Variants in CWC27 observed in about 807,000 individuals in gnomAD.
The protein encoded by CWC27 is CWC27 spliceosome associated cyclophilin.
Under a neutral mutation model 63.6 loss-of-function variants are expected in CWC27, and 47 were observed. The observed-to-expected ratio is 0.74, with a 90% CI of 0.58 to 0.94. The LOEUF (loss-of-function observed/expected upper bound fraction) is 0.94. CWC27 is among the 40% of genes least tolerant of loss of function. The pLI, the probability that CWC27 is intolerant of heterozygous loss-of-function variation, is 0.00. For synonymous variants in CWC27, 175 were observed against 179.8 expected (o/e 0.97, Z 0.22); for missense variants, 495 against 554.3 (o/e 0.89, Z 1.07).
rs191971370 is a variant in CWC27 at position 64,970,824 on chromosome 5, A to T, written c.1043-879A>T. ...CTGATTGTTAATAGATTGCATATTC[A>T]TGATGTTCCTCAAGCTAGATAACAA... is the stretch of plus-strand genomic sequence containing the variant. On this transcript the variant is annotated intron_variant, in intron 11 of 13. Coordinates refer to ENST00000381070, the MANE Select transcript of CWC27 (RefSeq NM_005869.4). 3.8e-3 allele frequency among the ~76,000 whole-genome samples: 585 copies of T among 152,256 alleles called. 1 individual carries two copies. Among genetic ancestry groups the T allele is most frequent in the Non-Finnish European group, 6.2e-3 (420 of 68,012 alleles).
At chr5:64,830,989 G>A (rs1245963626) in intron 10 of CWC27, among the ~76,000 whole-genome samples, 1 of 151,984 alleles carries the variant, frequency 6.6e-6, no homozygotes, top group Non-Finnish European at 1.5e-5. Context: ...TGTCTCAGCT[G>A]GTTCTTCAAG....
At chr5:64,943,856 A>G (rs1448069695) in intron 11 of CWC27, among the ~76,000 whole-genome samples, 2 of 152,138 alleles carry the variant, frequency 1.3e-5, no homozygotes, top group African/African-American at 4.8e-5. Context: ...CAGAACCCTC[A>G]AACATGTGAT....
At chr5:64,913,598 G>T (rs1370109745) in intron 11 of CWC27, among the ~76,000 whole-genome samples, 2 of 151,852 alleles carry the variant, frequency 1.3e-5, no homozygotes, top group African/African-American at 4.8e-5. Flanking sequence ...AATTTTGAAA[G>T]AAATTCTATC....
intron 10 of CWC27, among the ~76,000 whole-genome samples, chr5:64,837,470 G>A (rs372239805): frequency 1.3e-5 from 2 of 150,610 alleles, no homozygotes; most frequent in African/African-American, 4.9e-5. Flanking sequence ...GTCAAATTTG[G>A]TTCCAAAACT....
intron 11 of CWC27, among the ~76,000 whole-genome samples, chr5:64,927,938 T>TG (rs1484468570): frequency 6.6e-6 from 1 of 152,176 alleles, no homozygotes; most frequent in Non-Finnish European, 1.5e-5. Flanking sequence ...GTGGATCACC[T>TG]GAGGTCAGGA....
At position 64,791,220 on chromosome 5, in the gene CWC27, T is replaced by G. The variant is rs537579285; in HGVS notation, c.669+2200T>G. Among the ~76,000 whole-genome samples the G allele has an allele frequency of 1.4e-4, 21 of 152,308 alleles. No individual in the cohort carries two copies. In the East Asian group the frequency reaches 2.3e-3, roughly 17 times the overall value. ...GTTAAATTTCTAGTCTAAAGTAAGTTTTGTTCACAATTGCTTTGAGATAGA... is the reference window on the plus strand; with the variant it reads ...GTTAAATTTCTAGTCTAAAGTAAGTGTTGTTCACAATTGCTTTGAGATAGA... On this transcript the variant is annotated intron_variant, in intron 7 of 13. Transcript: ENST00000381070.
intron 2 of CWC27, among the ~76,000 whole-genome samples, chr5:64,780,629 A>G (rs1425927258): frequency 6.7e-6 from 1 of 148,152 alleles, no homozygotes; most frequent in Non-Finnish European, 1.5e-5. Flanking sequence ...AACTATATAT[A>G]TTTACACTTA....
At chr5:64,873,689 C>T (rs1260767968) in intron 10 of CWC27, among the ~76,000 whole-genome samples, 1 of 151,886 alleles carries the variant, frequency 6.6e-6, no homozygotes, top group African/African-American at 2.4e-5. Context: ...TAATATAGTC[C>T]CATTTGTCTA....
chr5:64,957,752 G>A (rs1040300823), intron 11 of CWC27, among the ~76,000 whole-genome samples: 1 of 152,036 alleles, frequency 6.6e-6, no homozygotes, highest in East Asian at 1.9e-4. Flanking sequence ...GGAGACTCTG[G>A]GCACACTGCC....
At chr5:64,903,831 AT>A (rs1747563769) in intron 11 of CWC27, among the ~76,000 whole-genome samples, 2 of 152,116 alleles carry the variant, frequency 1.3e-5, no homozygotes, top group African/African-American at 4.8e-5. Flanking sequence ...TCGTGCATTA[AT>A]TTTTTTGTGA....
chr5:64,812,950 G>A (rs111417658), intron 10 of CWC27, among the ~76,000 whole-genome samples: 23 of 152,044 alleles, frequency 1.5e-4, no homozygotes, highest in Non-Finnish European at 2.8e-4. Context: ...ATTTAAAAGG[G>A]TTGAACAAAA....
intron 11 of CWC27, among the ~76,000 whole-genome samples, chr5:64,912,369 T>A (rs1234883028): frequency 6.6e-6 from 1 of 152,118 alleles, no homozygotes. Flanking sequence ...GAAAGAGTCC[T>A]AAAGGGACTC....
intron 10 of CWC27, among the ~76,000 whole-genome samples, chr5:64,860,393 C>T (rs887496647): frequency 2.0e-4 from 31 of 152,140 alleles, no homozygotes; most frequent in Admixed American, 1.9e-3. Flanking sequence ...TCTACCCCGA[C>T]TGTTGGGGCT....
At chr5:65,004,234 T>TG (rs1279446175) in intron 13 of CWC27, among the ~76,000 whole-genome samples, 1 of 152,186 alleles carries the variant, frequency 6.6e-6, no homozygotes, top group Non-Finnish European at 1.5e-5. Context: ...TTCCTTCCTA[T>TG]GCCTCTTGTA....
chr5:64,927,028 G>A (rs1329083441), intron 11 of CWC27, among the ~76,000 whole-genome samples: 7 of 152,116 alleles, frequency 4.6e-5, no homozygotes, highest in African/African-American at 1.7e-4. Flanking sequence ...CATCACAAAT[G>A]TACATATTTC....
chr5:64,906,446 CTGTT>C (rs1747643365), intron 11 of CWC27, among the ~76,000 whole-genome samples: 1 of 152,148 alleles, frequency 6.6e-6, no homozygotes, highest in Admixed American at 6.5e-5. Context: ...TTTCACGTGT[CTGTT>C]GGCTGCACAA....
intron 11 of CWC27, among the ~76,000 whole-genome samples, chr5:64,957,199 C>T (rs1301389570): frequency 6.6e-6 from 1 of 152,178 alleles, no homozygotes; most frequent in African/African-American, 2.4e-5. Context: ...TTCTGCAATG[C>T]TTAATTCGCC....
At chr5:64,809,852 C>T (rs1179483050) in intron 10 of CWC27, among the ~76,000 whole-genome samples, 1 of 152,150 alleles carries the variant, frequency 6.6e-6, no homozygotes, top group Non-Finnish European at 1.5e-5. Flanking sequence ...TGGGTTGTCT[C>T]TTCACTCTAT....
At chr5:64,958,076 G>GT (rs1035320793) in intron 11 of CWC27, among the ~76,000 whole-genome samples, 1 of 151,946 alleles carries the variant, frequency 6.6e-6, no homozygotes, top group African/African-American at 2.4e-5. Flanking sequence ...TTTGATAGGA[G>GT]TAGGGCTTTA....
Sources: gnomAD v4.1 joint callset for allele counts (sites outside exome capture counted in the v4.1 genomes callset) on GRCh38, gnomAD v4.1.1 for gene constraint, MANE v1.5 for transcripts, NCBI Gene and HGNC (gene_info 2026-07-23, HGNC 2026-07-21) for gene names.